The following PREX2 variants were observed in gnomAD, a reference collection of about 807,000 sequenced individuals.
The protein encoded by PREX2 is phosphatidylinositol 3,4,5-trisphosphate-dependent Rac exchanger 2 protein.
Under a neutral mutation model 203.2 loss-of-function variants are expected in PREX2, and 107 were observed. The observed-to-expected ratio is 0.53, with a 90% CI of 0.45 to 0.62. PREX2 has a LOEUF of 0.62. Among genes scored for constraint, PREX2 ranks in the 20% least tolerant of loss-of-function variants. The pLI, the probability that PREX2 is intolerant of heterozygous loss-of-function variation, is 0.00. For missense variants in PREX2, 1,777 were observed against 1,955.9 expected, an observed-to-expected ratio of 0.91 and a Z score of 1.72; for synonymous variants, 672 against 663.6, an observed-to-expected ratio of 1.01 and a Z score of -0.19.
rs201030854 is a variant in PREX2, at chr8:68,027,331, A to G, written c.543+8A>G. The stretch of plus-strand genomic sequence containing the variant: ...TACCCTCTTATTTTGAAGGTATTTT[A>G]TGTGCTACCTCATTGTAGCCATTTT... On this transcript the variant is annotated splice_region_variant and intron_variant, in intron 5 of 39. Transcript: ENST00000288368. The G allele has an allele frequency of 2.0e-6, 3 of 1,496,828 alleles. No homozygotes were observed. The highest frequency in any genetic ancestry group is 1.7e-5 in the Admixed American group (1 of 59,594). The allele number at this position is 1,496,828 out of a possible 1,614,324, so 92.7% of individuals were successfully genotyped here.
At chr8:68,005,351 C>G (rs577688661) in intron 1 of PREX2, among the ~76,000 whole-genome samples, 7 of 152,268 alleles carry the variant, frequency 4.6e-5, no homozygotes, top group African/African-American at 1.7e-4. Flanking sequence ...CAGTGGAAAC[C>G]TAGGTGGCCC....
intron 13 of PREX2, among the ~76,000 whole-genome samples, chr8:68,071,686 G>A (rs2129611644): frequency 6.6e-6 from 1 of 152,258 alleles, no homozygotes; most frequent in East Asian, 1.9e-4. Context: ...CTACTGAACG[G>A]AGAGTCTGAG....
At chr8:67,952,749 G>A (rs963374123) in intron 1 of PREX2, 3 of 671,358 alleles carry the variant, frequency 4.5e-6, no homozygotes, top group Middle Eastern at 3.5e-4. Flanking sequence ...TGAGTTGCGG[G>A]GGCCTTGGAG....
At chr8:68,033,330 G>T (rs1563510245) in intron 6 of PREX2, among the ~76,000 whole-genome samples, 1 of 152,226 alleles carries the variant, frequency 6.6e-6, no homozygotes, top group African/African-American at 2.4e-5. Flanking sequence ...TACACAGAGT[G>T]CAGATTATTG....
At chr8:68,081,466 A>C (rs1006569092) in intron 17 of PREX2, among the ~76,000 whole-genome samples, 1 of 152,096 alleles carries the variant, frequency 6.6e-6, no homozygotes, top group Admixed American at 6.5e-5. Context: ...CAAGTGGCTC[A>C]TTCTTTGTCC....
At chr8:67,962,867 C>G (rs1215192099) in intron 1 of PREX2, among the ~76,000 whole-genome samples, 1 of 152,096 alleles carries the variant, frequency 6.6e-6, no homozygotes, top group African/African-American at 2.4e-5. Context: ...CTCGGCCTCC[C>G]AAAGTGCTGG....
chr8:68,116,744 T>G (rs2129613002), intron 26 of PREX2, among the ~76,000 whole-genome samples: 1 of 152,322 alleles, frequency 6.6e-6, no homozygotes, highest in East Asian at 1.9e-4. Flanking sequence ...TGATTACCTT[T>G]GTAAAGACCC....
chr8:68,066,654 A>G (rs574994697), intron 11 of PREX2, among the ~76,000 whole-genome samples: 11 of 152,034 alleles, frequency 7.2e-5, no homozygotes, highest in Non-Finnish European at 1.0e-4. Flanking sequence ...TATTTTTCCT[A>G]TTCCATAGAT....
intron 34 of PREX2, among the ~76,000 whole-genome samples, chr8:68,150,242 C>T (rs1440285384): frequency 2.0e-5 from 3 of 152,082 alleles, no homozygotes; most frequent in Non-Finnish European, 4.4e-5. Flanking sequence ...CCAGGACTCC[C>T]CTGGGCCTCC....
chr8:68,139,053 T>A (rs963790426), intron 33 of PREX2, among the ~76,000 whole-genome samples: 3 of 152,188 alleles, frequency 2.0e-5, no homozygotes, highest in African/African-American at 7.2e-5. Context: ...TTGCCAAGAC[T>A]ATTCTTGGTG....
chr8:68,044,864 A>G lies in PREX2; in HGVS notation c.943+274A>G, dbSNP rs1808305010. Among the ~76,000 whole-genome samples, 4 of 152,138 alleles carry G rather than the reference A, an allele frequency of 2.6e-5. No individual in the cohort carries two copies. The South Asian group carries it at 8.3e-4, about 31-fold the overall frequency. Reference sequence around the variant, plus strand: ...GTGTCCCATGGCATTCACGGGACTGAAACAGAGAGCACTGTGCAGAAAAGA... The same window carrying G: ...GTGTCCCATGGCATTCACGGGACTGGAACAGAGAGCACTGTGCAGAAAAGA... On this transcript the variant is annotated intron_variant, in intron 8 of 39. Coordinates refer to ENST00000288368, the MANE Select transcript of PREX2 (RefSeq NM_024870.4).
Position 68,077,456 on chromosome 8 carries a change from A to G in PREX2, c.1629A>G (p.Gly543=), listed in dbSNP as rs1169061602. 6.2e-7 allele frequency: 1 copy of G among 1,612,002 alleles called. No homozygotes were observed. The highest frequency in any genetic ancestry group is 1.7e-5 in the Admixed American group (1 of 60,020). The part of the protein sequence containing the change: ...MIFGVGLCDN[G]FMHHVLEKSE... ...TTGGCGTTGGACTCTGTGACAATGG[A>G]TTTATGCACCATGGTAGGGATTTTT... is the stretch of plus-strand genomic sequence containing the variant. The change falls in exon 15 of 40, where the codon GGA becomes GGG. Residue 543 remains glycine, a synonymous_variant. Coordinates refer to ENST00000288368, the MANE Select transcript of PREX2 (RefSeq NM_024870.4).
At chr8:68,212,506 G>A (rs1002532689) in intron 37 of PREX2, among the ~76,000 whole-genome samples, 1 of 152,042 alleles carries the variant, frequency 6.6e-6, no homozygotes, top group Middle Eastern at 3.2e-3. Context: ...AAACAAAATA[G>A]GAATGAAAGT....
chr8:68,056,040 C>A (rs2129611217), intron 10 of PREX2, 66 bp downstream of exon 10: 1 of 1,463,610 alleles, frequency 6.8e-7, no homozygotes, highest in Middle Eastern at 1.8e-4. Flanking sequence ...GTTAACTTTC[C>A]TTCAATTAGT....
At position 68,094,366 on chromosome 8, in the gene PREX2, CAGAG is replaced by C. The variant is rs1181160085; in HGVS notation, c.2368+651_2368+654del. On this transcript the variant is annotated intron_variant, in intron 21 of 39. Coordinates refer to ENST00000288368, the MANE Select transcript of PREX2 (RefSeq NM_024870.4). ...TAGTAGTGTGAAAATGAGAGAGAAACAGAGAGAGAGGGAGAGAGAGATCTTTTGA... is the reference window on the plus strand; with the variant it reads ...TAGTAGTGTGAAAATGAGAGAGAAACAGAGAGGGAGAGAGAGATCTTTTGA... Among the ~76,000 whole-genome samples, 6 of 152,096 alleles carry C rather than the reference CAGAG, an allele frequency of 3.9e-5. No homozygotes were observed. In the East Asian group the frequency reaches 9.7e-4, roughly 24 times the overall value.
chr8:68,134,236 G>T lies in PREX2; in HGVS notation c.3944G>T (p.Gly1315Val), dbSNP rs768241048. ...TGGCTGGACCAGATAGCGAATGCAG[G>T]TGTTCTTTTTCACTTTCAGTCACTT... is the stretch of plus-strand genomic sequence containing the variant. ...RRWLDQIANA[G>V]VLFHFQSLLS... Residue 1315 changes from glycine to valine, a missense_variant, in exon 32 of 40, where the codon GGT becomes GTT. Transcript: ENST00000288368. The T allele has an allele frequency of 2.5e-6, 4 of 1,614,098 alleles. No homozygotes were observed. The Admixed American group carries it at 5.0e-5, about 20-fold the overall frequency.
rs139940859 is a variant in PREX2 at position 68,141,709 on chromosome 8, G to T, written c.4087+3192G>T. 1.8e-4 allele frequency among the ~76,000 whole-genome samples: 28 copies of T among 152,158 alleles called. 1 individual carries two copies. The South Asian group carries it at 4.4e-3, about 24-fold the overall frequency. On this transcript the variant is annotated intron_variant, in intron 33 of 39. Transcript: ENST00000288368. Reference sequence around the variant, plus strand: ...GGGAACTAACAGCTTCTTAGTCAAAGACTTATTTTGAAACTCACGGGCCCA... The same window carrying T: ...GGGAACTAACAGCTTCTTAGTCAAATACTTATTTTGAAACTCACGGGCCCA...
At chr8:68,066,186 G>A (rs141288667) in intron 11 of PREX2, among the ~76,000 whole-genome samples, 1 of 152,204 alleles carries the variant, frequency 6.6e-6, no homozygotes, top group Non-Finnish European at 1.5e-5. Flanking sequence ...GTGAACATGG[G>A]GGTACAGATA....
At chr8:68,063,533 T>C (rs1003466548) in intron 11 of PREX2, among the ~76,000 whole-genome samples, 3 of 152,176 alleles carry the variant, frequency 2.0e-5, no homozygotes, top group African/African-American at 7.2e-5. Flanking sequence ...GGATTGGATT[T>C]TACCTCAGTG....
Sources: gnomAD v4.1 joint callset for allele counts (sites outside exome capture counted in the v4.1 genomes callset) on GRCh38, gnomAD v4.1.1 for gene constraint, MANE v1.5 for transcripts, NCBI Gene and HGNC (gene_info 2026-07-23, HGNC 2026-07-21) for gene names.